CLEC9A: variants seen among roughly 807,000 people sequenced by gnomAD.
CLEC9A encodes C-type lectin domain containing 9A, also known as C-type lectin domain family 9 member A.
In CLEC9A, 24 loss-of-function variants were observed where a neutral mutation model predicts 30.0. The ratio of observed to expected loss-of-function variants is 0.80; its 90% CI spans 0.58 to 1.13. The LOEUF is 1.13. Ranked by LOEUF, CLEC9A falls within the 50% of genes most tolerant of loss-of-function variation. The pLI, the probability that CLEC9A is intolerant of heterozygous loss-of-function variation, is 0.00. For missense variants in CLEC9A, 251 were observed against 280.9 expected (o/e 0.89, Z 0.76); for synonymous variants, 111 against 96.8 (o/e 1.15, Z -0.86).
chr12:10,052,213 T>C (rs1865898706), intron 3 of CLEC9A, 119 bp downstream of exon 3: 1 of 155,776 alleles, frequency 6.4e-6, no homozygotes, highest in Non-Finnish European at 1.4e-5. Flanking sequence ...TGAAATCCCT[T>C]CCTAGCTTTG....
At chr12:10,036,175 T>A (rs753953911) in intron 1 of CLEC9A, among the ~76,000 whole-genome samples, 11 of 152,262 alleles carry the variant, frequency 7.2e-5, no homozygotes, top group Non-Finnish European at 1.2e-4. Flanking sequence ...CACTACTGTT[T>A]GTCACAAATG....
chr12:10,054,448 C>A, intron 5 of CLEC9A, 97 bp downstream of exon 5: 2 of 770,012 alleles, frequency 2.6e-6, no homozygotes, highest in Non-Finnish European at 4.1e-6. Context: ...TGTGAATGCA[C>A]ATAAATGATA....
At chr12:10,039,498 TTGTCCCTC>T (rs1210354864) in intron 1 of CLEC9A, among the ~76,000 whole-genome samples, 4 of 151,790 alleles carry the variant, frequency 2.6e-5, no homozygotes, top group African/African-American at 7.3e-5. Context: ...AAAAACTATT[TTGTCCCTC>T]TTCCTATCTT....
chr12:10,035,339 G>C (rs1344181072), intron 1 of CLEC9A, among the ~76,000 whole-genome samples: 1 of 152,142 alleles, frequency 6.6e-6, no homozygotes, highest in Admixed American at 6.6e-5. Flanking sequence ...GCAAAGGCCC[G>C]GGGGTGGAGC....
At chr12:10,038,524 A>G (rs1478581180) in intron 1 of CLEC9A, among the ~76,000 whole-genome samples, 1 of 152,234 alleles carries the variant, frequency 6.6e-6, no homozygotes, top group Non-Finnish European at 1.5e-5. Flanking sequence ...TAGAGAAAAA[A>G]AAGAAATCAG....
chr12:10,054,013 G>T (rs1363013267), intron 4 of CLEC9A, among the ~76,000 whole-genome samples: 1 of 152,096 alleles, frequency 6.6e-6, no homozygotes, highest in African/African-American at 2.4e-5. Flanking sequence ...TCAAAGATAA[G>T]GATAACAGAA....
In CLEC9A at chr12:10,065,658, T is replaced by C; in HGVS notation, c.*26T>C. 2 of 1,612,390 alleles carry C rather than the reference T, an allele frequency of 1.2e-6. No homozygotes were observed. The highest frequency in any genetic ancestry group is 2.2e-5 in the South Asian group (2 of 90,932). Reference sequence around the variant, plus strand: ...AAGAAATTGTGTTCAAAGTGTTCTATTACACTGTTATTTGGAGCATGCCAT... The same window carrying C: ...AAGAAATTGTGTTCAAAGTGTTCTACTACACTGTTATTTGGAGCATGCCAT... On this transcript the variant is annotated 3_prime_UTR_variant, in exon 9 of 9. Coordinates refer to ENST00000355819, the MANE Select transcript of CLEC9A (RefSeq NM_207345.4).
At chr12:10,048,935 T>C (rs1316677407) in intron 2 of CLEC9A, among the ~76,000 whole-genome samples, 1 of 152,216 alleles carries the variant, frequency 6.6e-6, no homozygotes, top group Non-Finnish European at 1.5e-5. Context: ...TGCTCTGATA[T>C]ATCAGAAGAA....
rs1395154680 is a variant in CLEC9A at position 10,052,611 on chromosome 12, A to G, written c.-58-19A>G. On this transcript the variant is annotated intron_variant, in intron 3 of 8. Coordinates refer to ENST00000355819, the MANE Select transcript of CLEC9A (RefSeq NM_207345.4). ...GTAACCAATTTCAGTTCTTACACCA[A>G]CCTGCTCCAAACCACAAGAGGAGTT... is the stretch of plus-strand genomic sequence containing the variant. 2 of 1,575,098 alleles carry G rather than the reference A, an allele frequency of 1.3e-6. No homozygotes were observed. The highest frequency in any genetic ancestry group is 2.2e-5 in the East Asian group (1 of 44,500).
chr12:10,036,560 T>C (rs1270001899), intron 1 of CLEC9A, among the ~76,000 whole-genome samples: 1 of 152,196 alleles, frequency 6.6e-6, no homozygotes, highest in East Asian at 1.9e-4. Context: ...GTAGTCAACA[T>C]CTTATTGCCC....
chr12:10,057,780 CT>C (rs1865955665), intron 5 of CLEC9A, among the ~76,000 whole-genome samples: 1 of 151,972 alleles, frequency 6.6e-6, no homozygotes, highest in African/African-American at 2.4e-5. Context: ...GTAGACTTAA[CT>C]TTAATTTTCT....
intron 1 of CLEC9A, among the ~76,000 whole-genome samples, chr12:10,038,007 G>A (rs1865758092): frequency 6.6e-6 from 1 of 152,168 alleles, no homozygotes. Context: ...GTCCCTTTTG[G>A]CTAAAACAAA....
chr12:10,054,481 A>C (rs1865922926), intron 5 of CLEC9A, 130 bp downstream of exon 5: 13 of 621,362 alleles, frequency 2.1e-5, no homozygotes, highest in Non-Finnish European at 3.0e-5. Flanking sequence ...CTCAAATTTC[A>C]ATCATTTGAT....
At chr12:10,061,523 A>T (rs1309752104) in intron 6 of CLEC9A, among the ~76,000 whole-genome samples, 2 of 152,222 alleles carry the variant, frequency 1.3e-5, no homozygotes, top group Non-Finnish European at 2.9e-5. Flanking sequence ...GTGTGCAATT[A>T]GTAGGTCAGA....
chr12:10,061,370 G>T, intron 6 of CLEC9A, 97 bp downstream of exon 6: 1 of 1,247,782 alleles, frequency 8.0e-7, no homozygotes, highest in African/African-American at 1.6e-5. Flanking sequence ...CTGCAAAACT[G>T]TTAGGATTTT....
Position 10,063,347 on chromosome 12 carries a change from A to T in CLEC9A, c.471+141A>T, listed in dbSNP as rs146913676. 654 of 821,124 alleles carry T rather than the reference A, an allele frequency of 8.0e-4. 1 individual carries two copies. The African/African-American group carries it at 0.011, about 14-fold the overall frequency. 50.9% of individuals were successfully genotyped at this position (821,124 alleles called of 1,614,324 possible). On this transcript the variant is annotated intron_variant, in intron 7 of 8. Coordinates refer to ENST00000355819, the MANE Select transcript of CLEC9A (RefSeq NM_207345.4). ...GTAAAAATAAAGGTTTAAAAGAAAC[A>T]AAGTTGGAATCTGTATTTTTTGTTT...
chr12:10,062,376 G>T (rs1015993981), intron 6 of CLEC9A, among the ~76,000 whole-genome samples: 1 of 152,112 alleles, frequency 6.6e-6, no homozygotes, highest in African/African-American at 2.4e-5. Flanking sequence ...TTGGTCTTTG[G>T]TTCCCCTTTT....
intron 1 of CLEC9A, among the ~76,000 whole-genome samples, chr12:10,037,706 G>T (rs967257519): frequency 3.3e-5 from 5 of 152,018 alleles, no homozygotes; most frequent in Non-Finnish European, 2.9e-5. Flanking sequence ...TCTCAACATC[G>T]TTATAACAAA....
chr12:10,046,318 C>G (rs916209943), intron 2 of CLEC9A, among the ~76,000 whole-genome samples: 6 of 152,262 alleles, frequency 3.9e-5, no homozygotes, highest in African/African-American at 1.4e-4. Context: ...AACAGAGAGA[C>G]ATTACACAAA....
Sources: gnomAD v4.1 joint callset for allele counts (sites outside exome capture counted in the v4.1 genomes callset) on GRCh38, gnomAD v4.1.1 for gene constraint, MANE v1.5 for transcripts, NCBI Gene and HGNC (gene_info 2026-07-23, HGNC 2026-07-21) for gene names.